Variants in ZNF674 observed in about 807,000 individuals in gnomAD.
ZNF674 encodes the protein zinc finger family member 674.
In ZNF674, 2 loss-of-function variants were observed where a neutral mutation model predicts 7.0. The ratio of observed to expected loss-of-function variants is 0.29; its 90% confidence interval spans 0.12 to 0.90. The LOEUF (loss-of-function observed/expected upper bound fraction) is 0.90. Ranked by LOEUF, ZNF674 falls within the 40% of genes least tolerant of loss-of-function variation. The pLI, the probability that ZNF674 is intolerant of heterozygous loss-of-function variation, is 0.57. For missense variants in ZNF674, 297 were observed against 415.5 expected (o/e 0.71, Z 2.48); for synonymous variants, 103 against 145.2 (o/e 0.71, Z 2.09).
intron 2 of ZNF674, among the ~76,000 whole-genome samples, chrX:46,543,889 A>G (rs1942333653): frequency 1.8e-5 from 2 of 112,557 alleles, no homozygotes; most frequent in Non-Finnish European, 3.8e-5. Context: ...GAAATTCTAT[A>G]AACTAAAAAT....
chrX:46,512,115 C>G (rs1256300111), intron 5 of ZNF674, among the ~76,000 whole-genome samples: 2 of 111,700 alleles, frequency 1.8e-5, no homozygotes, highest in African/African-American at 6.5e-5. Flanking sequence ...AATCCCAGCA[C>G]TTTGGGAGGC....
intron 3 of ZNF674, among the ~76,000 whole-genome samples, chrX:46,532,440 A>G (rs1487270111): frequency 3.6e-5 from 4 of 112,095 alleles, no homozygotes; most frequent in East Asian, 2.8e-4. Context: ...ATTGTGTCAC[A>G]TATCTTTGTG....
intron 3 of ZNF674, among the ~76,000 whole-genome samples, chrX:46,532,119 G>C (rs1942119861): frequency 1.8e-5 from 2 of 111,854 alleles, no homozygotes; most frequent in South Asian, 7.4e-4. Context: ...GATGAGCCGA[G>C]ATCACGCCAC....
chrX:46,540,364 A>G (rs1942272051), intron 3 of ZNF674, among the ~76,000 whole-genome samples: 1 of 112,664 alleles, frequency 8.9e-6, no homozygotes, highest in Non-Finnish European at 1.9e-5. Context: ...CTTTTCTTGA[A>G]CAAAACTTTC....
At chrX:46,512,989 G>GCA (rs1394386995) in intron 5 of ZNF674, among the ~76,000 whole-genome samples, 1 of 111,326 alleles carries the variant, frequency 9.0e-6, no homozygotes, top group Non-Finnish European at 1.9e-5. Context: ...AGGTGGCTGG[G>GCA]CACAGTGGCT....
chrX:46,528,043 G>A (rs1172429497), intron 5 of ZNF674: 1 of 398,635 alleles, frequency 2.5e-6, no homozygotes, highest in African/African-American at 2.5e-5. Context: ...GAAAGGACAG[G>A]GTGAGAGGAA....
intron 5 of ZNF674, among the ~76,000 whole-genome samples, chrX:46,513,908 A>C (rs1191369825): frequency 9.1e-6 from 1 of 110,491 alleles, no homozygotes; most frequent in Non-Finnish European, 1.9e-5. Flanking sequence ...TCTACCAAAC[A>C]AACAAACTTA....
chrX:46,533,654 C>T (rs1326555053), intron 3 of ZNF674, among the ~76,000 whole-genome samples: 2 of 104,688 alleles, frequency 1.9e-5, no homozygotes, highest in Non-Finnish European at 3.9e-5. Flanking sequence ...CCCAGCTACT[C>T]GGGAGGCTGA....
rs763490420 is a variant in ZNF674 at position 46,533,811 on chromosome X, CAA to C, written c.16-4904_16-4903del. ...TGGGTGATAGAGTGAGACCCTGTCT[CAA>C]AAAAAAAAAAAAAAAAATATATATA... is the stretch of plus-strand genomic sequence containing the variant. On this transcript the variant is annotated intron_variant, in intron 3 of 5. Coordinates refer to ENST00000683375, the MANE Select transcript of ZNF674 (RefSeq NM_001190417.2). Among the ~76,000 whole-genome samples, 92 of 23,904 alleles carry C rather than the reference CAA, an allele frequency of 3.8e-3. 1 individual carries two copies. The highest frequency in any genetic ancestry group is 0.016 in the African/African-American group (77 of 4,693). The allele number at this position is 23,904 out of a possible 115,157, so 20.8% of individuals were successfully genotyped here.
chrX:46,521,992 T>G (rs5906227), intron 5 of ZNF674, among the ~76,000 whole-genome samples: 24,735 of 107,535 alleles, frequency 0.23, 2,675 homozygotes, highest in Middle Eastern at 0.36. Flanking sequence ...AGTTGAAGAC[T>G]TACGCAGGCA....
In ZNF674 at chrX:46,499,816, G is replaced by A. The variant is rs757980476; in HGVS notation, c.*27C>T. 1 of 1,057,021 alleles carries A rather than the reference G, an allele frequency of 9.5e-7. No homozygotes were observed. Among genetic ancestry groups the A allele is most frequent in the Non-Finnish European group, 1.2e-6 (1 of 800,070 alleles). The allele number at this position is 1,057,021 out of a possible 1,213,427, so 87.1% of individuals were successfully genotyped here. ...ATAGTCAAATGACAAATAACTACTA[G>A]TATAATTATCCCACTCTCAAGTATA... On this transcript the variant is annotated 3_prime_UTR_variant, in exon 6 of 6. Coordinates refer to ENST00000683375, the MANE Select transcript of ZNF674 (RefSeq NM_001190417.2).
intron 3 of ZNF674, chrX:46,529,652 G>A (rs778169776): frequency 9.6e-6 from 1 of 104,011 alleles, no homozygotes; most frequent in Non-Finnish European, 2.0e-5. Flanking sequence ...CTGGGCAACA[G>A]GGCGAGACTC....
chrX:46,536,189 G>A (rs1439687374), intron 3 of ZNF674, among the ~76,000 whole-genome samples: 1 of 111,976 alleles, frequency 8.9e-6, no homozygotes, highest in African/African-American at 3.2e-5. Context: ...GTCTGGCACA[G>A]TGGCTCACAC....
intron 5 of ZNF674, among the ~76,000 whole-genome samples, chrX:46,505,024 G>C (rs1008103963): frequency 9.1e-6 from 1 of 109,761 alleles, no homozygotes; most frequent in African/African-American, 3.3e-5. Flanking sequence ...TGAGTAGCTG[G>C]GATTACAGGT....
At chrX:46,512,559 G>C (rs963999380) in intron 5 of ZNF674, among the ~76,000 whole-genome samples, 3 of 109,488 alleles carry the variant, frequency 2.7e-5, no homozygotes, top group African/African-American at 1.0e-4. Flanking sequence ...TCAGGAGTTC[G>C]AGTTCAGCCT....
chrX:46,513,734 C>T (rs2146596824), intron 5 of ZNF674, among the ~76,000 whole-genome samples: 1 of 111,771 alleles, frequency 8.9e-6, no homozygotes, highest in South Asian at 3.8e-4. Flanking sequence ...AGGTCAAAAC[C>T]ACTTAATGTC....
At chrX:46,523,990 C>T (rs1254577307) in intron 5 of ZNF674, among the ~76,000 whole-genome samples, 1 of 107,399 alleles carries the variant, frequency 9.3e-6, no homozygotes, top group African/African-American at 3.4e-5. Flanking sequence ...TGTGGTGAGC[C>T]GAGATCGTGC....
In ZNF674 at chrX:46,500,601, G is replaced by A; in HGVS notation, c.973C>T (p.His325Tyr). 8.3e-7 allele frequency: 1 copy of A among 1,211,217 alleles called. No individual in the cohort carries two copies. Among genetic ancestry groups the A allele is most frequent in the Non-Finnish European group, 1.1e-6 (1 of 895,002 alleles). Residue 325 changes from histidine to tyrosine, a missense_variant, in exon 6 of 6, where the codon CAC becomes TAC. His to Tyr is a moderately conservative substitution (Grantham distance 83, BLOSUM62 2). Coordinates refer to ENST00000683375, the MANE Select transcript of ZNF674 (RefSeq NM_001190417.2). ...SYHLIRHEKT[H>Y]IRQAFYKGIK... ...CCTTTATAAAATGCTTGTCTAATGT[G>A]TGTTTTTTCATGTCTAATAAGATGA...
At chrX:46,538,677 A>C (rs1215430165) in intron 3 of ZNF674, among the ~76,000 whole-genome samples, 1 of 111,830 alleles carries the variant, frequency 8.9e-6, no homozygotes, top group Non-Finnish European at 1.9e-5. Flanking sequence ...GAATTGCTTG[A>C]ATTCAGGCAT....
Sources: gnomAD v4.1 joint callset for allele counts (sites outside exome capture counted in the v4.1 genomes callset) on GRCh38, gnomAD v4.1.1 for gene constraint, MANE v1.5 for transcripts, NCBI Gene and HGNC (gene_info 2026-07-23, HGNC 2026-07-21) for gene names.